Variants in GABRE observed in about 807,000 individuals in gnomAD.
GABRE encodes gamma-aminobutyric acid receptor subunit epsilon.
A neutral mutation model predicts 31.0 loss-of-function variants in GABRE; 20 were observed. That is an observed-to-expected ratio of 0.64 (90% CI 0.45 to 0.94). GABRE has a LOEUF of 0.94. GABRE is among the 40% of genes least tolerant of loss of function. The pLI is 0.00. For synonymous variants in GABRE, 155 were observed against 150.6 expected, an observed-to-expected ratio of 1.03 and a Z score of -0.21; for missense variants, 420 against 410.7, an observed-to-expected ratio of 1.02 and a Z score of -0.20.
At chrX:151,964,111 T>G (rs1351606296) in intron 3 of GABRE, among the ~76,000 whole-genome samples, 3 of 112,528 alleles carry the variant, frequency 2.7e-5, no homozygotes, top group Non-Finnish European at 5.6e-5. Context: ...TAGTGACAAT[T>G]AGTCTCACTT....
In GABRE at chrX:151,970,456, A is replaced by G. The variant is rs760653496; in HGVS notation, c.57-54T>C. On this transcript the variant is annotated intron_variant, in intron 1 of 8. Transcript: ENST00000370328. ...CTGCCCTGCACTCTGTAGGGGCCCC[A>G]GCTAGTGCCTCTTGGGACAGAAGCA... 4 of 1,156,197 alleles carry G rather than the reference A, an allele frequency of 3.5e-6. No individual in the cohort carries two copies. The East Asian group carries it at 1.2e-4, about 35-fold the overall frequency.
chrX:151,963,837 C>G (rs1463043620), intron 3 of GABRE, among the ~76,000 whole-genome samples: 1 of 112,393 alleles, frequency 8.9e-6, no homozygotes, highest in Non-Finnish European at 1.9e-5. Flanking sequence ...CCACAACTAT[C>G]CAGTTGTTTT....
Position 151,970,554 on chromosome X carries a change from G to A in GABRE, c.57-152C>T, listed in dbSNP as rs149688986. On this transcript the variant is annotated intron_variant, in intron 1 of 8. Coordinates refer to ENST00000370328, the MANE Select transcript of GABRE (RefSeq NM_004961.4). The stretch of plus-strand genomic sequence containing the variant: ...AATAGCAAATTATAAGACAGTGACA[G>A]ATTAGGCTTGTGAATTTCTTTTAAA... 4 of 599,491 alleles carry A rather than the reference G, an allele frequency of 6.7e-6. No individual in the cohort carries two copies. In the Admixed American group the frequency reaches 1.3e-4, roughly 19 times the overall value. The allele number at this position is 599,491 out of a possible 1,213,427, so 49.4% of individuals were successfully genotyped here. A position where few individuals can be genotyped will look rare whatever the true frequency, so the allele number is the denominator to read the frequency against.
intron 1 of GABRE, among the ~76,000 whole-genome samples, chrX:151,973,677 C>CA (rs1475918650): frequency 9.0e-6 from 1 of 111,386 alleles, no homozygotes; most frequent in Non-Finnish European, 1.9e-5. Context: ...AACAACAAAA[C>CA]GAAGCAGTCA....
intron 6 of GABRE, chrX:151,957,450 T>C (rs1266669826): frequency 3.0e-6 from 1 of 331,006 alleles, no homozygotes; most frequent in African/African-American, 2.6e-5. Context: ...CTGGCCAGAA[T>C]GTATTTATCA....
At chrX:151,973,103 G>C (rs906363846) in intron 1 of GABRE, among the ~76,000 whole-genome samples, 5 of 110,683 alleles carry the variant, frequency 4.5e-5, no homozygotes, top group African/African-American at 1.6e-4. Context: ...ATAGAGGAAG[G>C]ACTGTGCCCC....
chrX:151,964,611 A>G (rs1934475410), intron 3 of GABRE, among the ~76,000 whole-genome samples: 1 of 111,429 alleles, frequency 9.0e-6, no homozygotes, highest in African/African-American at 3.3e-5. Context: ...CAGTCCCCAC[A>G]TTTCCATAGT....
intron 4 of GABRE, 124 bp downstream of exon 4, chrX:151,962,299 G>A (rs956242746): frequency 1.7e-6 from 1 of 590,403 alleles, no homozygotes. Context: ...TCATGGTCTA[G>A]GAAAGCTGGA....
chrX:151,955,539 C>G lies in GABRE; in HGVS notation c.966G>C (p.Thr322=), dbSNP rs924907083. 1.7e-6 allele frequency: 2 copies of G among 1,211,741 alleles called. No individual in the cohort carries two copies. The highest frequency in any genetic ancestry group is 2.2e-6 in the Non-Finnish European group (2 of 895,313). The change falls in exon 8 of 9, where the codon ACG becomes ACC. Residue 322 remains threonine, a synonymous_variant. Transcript: ENST00000370328. ...AATTCTTACGAGAAAAGGTGCCCAA[C>G]GTGGTCATGGTCAGAACAGAGGTGA... is the stretch of plus-strand genomic sequence containing the variant. The part of the protein sequence containing the change: ...LGITSVLTMT[T]LGTFSRKNFP...
chrX:151,965,731 G>A (rs752030205), intron 3 of GABRE, among the ~76,000 whole-genome samples: 6 of 113,052 alleles, frequency 5.3e-5, no homozygotes, highest in African/African-American at 1.9e-4. Flanking sequence ...CAGCCCTCGG[G>A]GAAGAAATCA....
intron 5 of GABRE, 126 bp from the exon 6 acceptor site, chrX:151,960,102 T>C (rs1433921650): frequency 1.7e-6 from 1 of 589,590 alleles, no homozygotes; most frequent in Non-Finnish European, 2.7e-6. Flanking sequence ...CTGTGGGACC[T>C]TGCCTCTCTT....
Position 151,959,876 on chromosome X carries a change from T to G in GABRE, c.747A>C (p.Gly249=). 8.3e-7 allele frequency: 1 copy of G among 1,211,014 alleles called. No homozygotes were observed. Among genetic ancestry groups the G allele is most frequent in the Non-Finnish European group, 1.1e-6 (1 of 894,885 alleles). Residue 249 remains glycine, a synonymous_variant, in exon 6 of 9, where the codon GGA becomes GGC. Coordinates refer to ENST00000370328, the MANE Select transcript of GABRE (RefSeq NM_004961.4). ...TGATTATTTCAGTTTTGTTGCTCAC[T>G]CCTGTAAAATCAAACTGGAAGAGCT... The part of the protein sequence containing the change: ...SWKLFQFDFT[G]VSNKTEIITT...
intron 1 of GABRE, among the ~76,000 whole-genome samples, chrX:151,973,687 A>G (rs1934792523): frequency 9.0e-6 from 1 of 111,646 alleles, no homozygotes; most frequent in Non-Finnish European, 1.9e-5. Flanking sequence ...CGAAGCAGTC[A>G]TCTTCCACCC....
chrX:151,960,095 TGG>T, intron 5 of GABRE, 119 bp from the exon 6 acceptor site: 1 of 649,298 alleles, frequency 1.5e-6, no homozygotes. Flanking sequence ...TCACCAGCTG[TGG>T]GACCTTGCCT....
chrX:151,972,504 C>G (rs1480515670), intron 1 of GABRE: 1 of 751,360 alleles, frequency 1.3e-6, no homozygotes. Context: ...CAGACAGGAC[C>G]ACCTAAACGC....
rs377147657 is a variant in GABRE at position 151,954,899 on chromosome X, G to A, written c.1323C>T (p.Cys441=). 19 of 1,211,024 alleles carry A rather than the reference G, an allele frequency of 1.6e-5. No individual in the cohort carries two copies. Among genetic ancestry groups the A allele is most frequent in the Non-Finnish European group, 2.0e-5 (18 of 895,208 alleles). Residue 441 remains cysteine, a synonymous_variant, in exon 9 of 9, where the codon TGC becomes TGT. Coordinates refer to ENST00000370328, the MANE Select transcript of GABRE (RefSeq NM_004961.4). ...PGSPEGPRSL[C]SKLACCEWCK... ...ACCACTCACAGCAGGCCAGCTTGGA[G>A]CAGAGGCTGCGGGGACCCTCAGGGC...
In GABRE at chrX:151,955,830, T is replaced by C. The variant is rs1934149897; in HGVS notation, c.815A>G (p.Asn272Ser). 8.3e-7 allele frequency: 1 copy of C among 1,211,885 alleles called. No individual in the cohort carries two copies. Among genetic ancestry groups the C allele is most frequent in the Non-Finnish European group, 1.1e-6 (1 of 895,516 alleles). Reference protein sequence around the residue: ...GDFMVMTIFFNVSRRFGYVAF... With the variant: ...GDFMVMTIFFSVSRRFGYVAF... ...AACATAGCCAAACCGCCTGCTCACA[T>C]TGAAGAAAATCGTCATGACCATGAA... The change falls in exon 7 of 9, where the codon AAT (asparagine) becomes AGT (serine). Residue 272 changes from asparagine to serine, a missense_variant. Physicochemically the swap from Asn to Ser is conservative, Grantham distance 46. Transcript: ENST00000370328.
intron 3 of GABRE, among the ~76,000 whole-genome samples, chrX:151,966,473 T>C (rs1934528450): frequency 8.9e-6 from 1 of 112,270 alleles, no homozygotes; most frequent in African/African-American, 3.2e-5. Flanking sequence ...ACACCAACTA[T>C]GTACCCAATG....
At chrX:151,960,443 T>C (rs1391673734) in intron 5 of GABRE, among the ~76,000 whole-genome samples, 2 of 111,850 alleles carry the variant, frequency 1.8e-5, no homozygotes, top group Admixed American at 9.5e-5. Context: ...AGGGGCAGTA[T>C]AGAAAGGTGA....
Sources: allele counts gnomAD v4.1 joint callset (sites outside exome capture counted in the v4.1 genomes callset), GRCh38; gene constraint gnomAD v4.1.1; transcripts MANE v1.5; gene names NCBI Gene and HGNC (gene_info 2026-07-23, HGNC 2026-07-21).